The following BBS9 variants were observed in gnomAD, a reference collection of about 807,000 sequenced individuals.
BBS9 encodes the protein protein PTHB1.
Under a neutral mutation model 117.7 loss-of-function variants are expected in BBS9, and 89 were observed. That is an observed-to-expected ratio of 0.76 (90% CI 0.64 to 0.90). BBS9 has a LOEUF of 0.90. Ranked by LOEUF, BBS9 falls within the 40% of genes least tolerant of loss-of-function variation. The probability of loss-of-function intolerance (pLI) is 0.00; values close to 1 mark genes in which losing one functional copy is unlikely to be tolerated. For missense variants in BBS9, 982 were observed against 1,042.2 expected (o/e 0.94, Z 0.80); for synonymous variants, 379 against 370.9 (o/e 1.02, Z -0.25).
At chr7:33,300,856 T>C (rs1806256392) in intron 9 of BBS9, among the ~76,000 whole-genome samples, 1 of 152,200 alleles carries the variant, frequency 6.6e-6, no homozygotes, top group South Asian at 2.1e-4. Context: ...ATGGGTCTAC[T>C]GTTAAGTAAA....
chr7:33,210,725 G>A (rs1475651077), intron 5 of BBS9, among the ~76,000 whole-genome samples: 2 of 152,064 alleles, frequency 1.3e-5, no homozygotes, highest in Admixed American at 1.3e-4. Flanking sequence ...TTTTAGTAGA[G>A]ACGTGGTTTC....
At position 33,152,747 on chromosome 7, in the gene BBS9, C is replaced by A; in HGVS notation, c.159C>A (p.Ser53Arg). 2 of 1,613,324 alleles carry A rather than the reference C, an allele frequency of 1.2e-6. No homozygotes were observed. Among genetic ancestry groups the A allele is most frequent in the Non-Finnish European group, 1.7e-6 (2 of 1,179,738 alleles). The change falls in exon 3 of 23, where the codon AGC (serine) becomes AGA (arginine). Residue 53 changes from serine to arginine, a missense_variant. Ser to Arg is a moderately radical substitution (Grantham distance 110). Coordinates refer to ENST00000242067, the MANE Select transcript of BBS9 (RefSeq NM_198428.3). Reference protein sequence around the residue: ...GSFMGYLRIFSPHPAKTGDGA... With the variant: ...GSFMGYLRIFRPHPAKTGDGA... The stretch of plus-strand genomic sequence containing the variant: ...TTATGGGATACCTAAGGATCTTTAG[C>A]CCCCATCCTGCAAAAACAGGAGATG...
intron 21 of BBS9, among the ~76,000 whole-genome samples, chr7:33,580,062 T>C (rs1859619029): frequency 6.6e-6 from 1 of 152,082 alleles, no homozygotes; most frequent in Non-Finnish European, 1.5e-5. Context: ...CATATCCTTA[T>C]GGGAACTTTT....
intron 21 of BBS9, among the ~76,000 whole-genome samples, chr7:33,619,098 C>T (rs1865282123): frequency 6.6e-6 from 1 of 151,906 alleles, no homozygotes; most frequent in Admixed American, 6.6e-5. Flanking sequence ...CTACATGCAG[C>T]ATAGAAGAGA....
At chr7:33,622,162 A>G (rs1040179578) in intron 21 of BBS9, among the ~76,000 whole-genome samples, 12 of 152,182 alleles carry the variant, frequency 7.9e-5, no homozygotes, top group African/African-American at 2.9e-4. Context: ...GTGAGCTGAG[A>G]TAGCGCCATT....
chr7:33,219,074 C>T (rs192613150), intron 5 of BBS9, among the ~76,000 whole-genome samples: 90 of 152,308 alleles, frequency 5.9e-4, no homozygotes, highest in African/African-American at 1.9e-3. Context: ...TCGGAGCAGC[C>T]GGCCAGCCCT....
At chr7:33,459,299 T>C (rs957888168) in intron 19 of BBS9, among the ~76,000 whole-genome samples, 4 of 151,960 alleles carry the variant, frequency 2.6e-5, no homozygotes, top group African/African-American at 9.7e-5. Flanking sequence ...GGGAGTGGGA[T>C]GATCGAGACT....
At chr7:33,256,613 C>T (rs1583914234) in intron 5 of BBS9, among the ~76,000 whole-genome samples, 2 of 152,004 alleles carry the variant, frequency 1.3e-5, no homozygotes, top group African/African-American at 4.8e-5. Context: ...TCTTTTTGAG[C>T]ACTCTTTAAA....
chr7:33,368,076 A>G (rs1469073076), intron 17 of BBS9, among the ~76,000 whole-genome samples: 1 of 152,176 alleles, frequency 6.6e-6, no homozygotes, highest in African/African-American at 2.4e-5. Context: ...TTACCTTACC[A>G]TGATCTAAAT....
intron 21 of BBS9, among the ~76,000 whole-genome samples, chr7:33,565,903 C>A (rs1856864722): frequency 7.4e-6 from 1 of 135,942 alleles, no homozygotes; most frequent in Non-Finnish European, 1.6e-5. Context: ...TCTTAGACTG[C>A]AGTTGTAGAG....
chr7:33,344,717 A>G, intron 12 of BBS9, 83 bp downstream of exon 12: 2 of 1,373,922 alleles, frequency 1.5e-6, no homozygotes, highest in Non-Finnish European at 2.1e-6. Context: ...ACTTGTAAGT[A>G]GCTTACAGAA....
At chr7:33,294,344 TCTATCTATCTC>T (rs1804797893) in intron 9 of BBS9, among the ~76,000 whole-genome samples, 1 of 144,378 alleles carries the variant, frequency 6.9e-6, no homozygotes, top group Non-Finnish European at 1.5e-5. Flanking sequence ...TATCTATCTA[TCTATCTATCTC>T]TTTGTCCATC....
chr7:33,499,312 A>G (rs1314882114), intron 19 of BBS9, among the ~76,000 whole-genome samples: 1 of 152,212 alleles, frequency 6.6e-6, no homozygotes, highest in Admixed American at 6.5e-5. Flanking sequence ...AGGGAAGTAA[A>G]TTGATGAACA....
chr7:33,484,716 A>G (rs963513381), intron 19 of BBS9, among the ~76,000 whole-genome samples: 1 of 152,230 alleles, frequency 6.6e-6, no homozygotes, highest in Admixed American at 6.5e-5. Context: ...TAGTTCAACC[A>G]TTGTGGAAGA....
At chr7:33,265,242 G>T (rs1311287233) in intron 7 of BBS9, among the ~76,000 whole-genome samples, 1 of 152,148 alleles carries the variant, frequency 6.6e-6, no homozygotes, top group African/African-American at 2.4e-5. Flanking sequence ...AGACTATGCA[G>T]AATTTTCTGT....
intron 19 of BBS9, chr7:33,390,759 C>A: frequency 3.2e-6 from 1 of 314,362 alleles, no homozygotes; most frequent in Non-Finnish European, 4.6e-6. Flanking sequence ...TTATCATCTG[C>A]TCAGAAATGT....
chr7:33,176,379 C>T (rs1189051658), intron 4 of BBS9, among the ~76,000 whole-genome samples: 3 of 152,312 alleles, frequency 2.0e-5, no homozygotes, highest in South Asian at 2.1e-4. Flanking sequence ...GGATACAATA[C>T]ATAGTACCTG....
At chr7:33,574,264 T>C (rs1382510995) in intron 21 of BBS9, among the ~76,000 whole-genome samples, 1 of 152,162 alleles carries the variant, frequency 6.6e-6, no homozygotes, top group African/African-American at 2.4e-5. Context: ...GGTCCTTTAT[T>C]TTTTTGCTCC....
chr7:33,628,352 T>C lies in BBS9; in HGVS notation c.2522-6825T>C, dbSNP rs546292260. 2.6e-5 allele frequency among the ~76,000 whole-genome samples: 4 copies of C among 152,308 alleles called. No individual in the cohort carries two copies. The East Asian group carries it at 7.7e-4, about 29-fold the overall frequency. ...AATATATGAAAAGGATAACACATCA[T>C]AACCAGGTGGGGTTTACCTCCAAAT... is the stretch of plus-strand genomic sequence containing the variant. On this transcript the variant is annotated intron_variant, in intron 21 of 21. Coordinates refer to the BBS9 transcript ENST00000671952.
Sources: gnomAD v4.1 joint callset for allele counts (sites outside exome capture counted in the v4.1 genomes callset) on GRCh38, gnomAD v4.1.1 for gene constraint, MANE v1.5 for transcripts, NCBI Gene and HGNC (gene_info 2026-07-23, HGNC 2026-07-21) for gene names.